ABCB8: variants seen among roughly 807,000 people sequenced by gnomAD.
ABCB8 encodes the protein ATP binding cassette subfamily B member 8, also known as mitochondrial potassium channel ATP-binding subunit.
ABCB8 carries 52 observed loss-of-function variants against 73.0 expected under a neutral mutation model. The ratio of observed to expected loss-of-function variants is 0.71; its 90% CI spans 0.57 to 0.90. The LOEUF is 0.90. Among genes scored for constraint, ABCB8 ranks in the 40% least tolerant of loss-of-function variants. The pLI is 0.00. For missense variants in ABCB8, 909 were observed against 974.6 expected (o/e 0.93, Z 0.90); for synonymous variants, 428 against 423.5 (o/e 1.01, Z -0.13).
At chr7:151,040,138 G>A (rs1032531186) in intron 9 of ABCB8, 130 bp from the exon 10 acceptor site, 5 of 1,057,536 alleles carry the variant, frequency 4.7e-6, no homozygotes, top group Non-Finnish European at 7.0e-6. Context: ...CCCCCATGGT[G>A]CAGGAGCAGT....
chr7:151,041,374 C>A, intron 13 of ABCB8, 142 bp downstream of exon 13: 1 of 1,201,906 alleles, frequency 8.3e-7, no homozygotes, highest in Non-Finnish European at 1.1e-6. Flanking sequence ...TTCACATGTC[C>A]TCAGCTGTTG....
chr7:151,037,259 C>T, intron 9 of ABCB8: 1 of 703,042 alleles, frequency 1.4e-6, no homozygotes, highest in Non-Finnish European at 2.6e-6. Context: ...GTGTTGCACC[C>T]TGTCCGAATT....
chr7:151,037,026 G>A (rs1333156365), intron 9 of ABCB8: 7 of 685,982 alleles, frequency 1.0e-5, no homozygotes, highest in African/African-American at 1.8e-5. Context: ...ACATTGCTGT[G>A]CGGCTGTTGT....
intron 1 of ABCB8, chr7:151,029,508 CTTT>C (rs71533518): frequency 3.4e-5 from 2 of 58,320 alleles, no homozygotes; most frequent in South Asian, 5.5e-4. Flanking sequence ...CTTTTCTTTT[CTTT>C]TTTTTTTTTT....
At chr7:151,033,420 C>T (rs903926476) in intron 1 of ABCB8, 185 bp from the exon 2 acceptor site, 1 of 1,398,168 alleles carries the variant, frequency 7.2e-7, no homozygotes, top group African/African-American at 1.4e-5. Context: ...TCCTCTGCGA[C>T]TTTGCCCATG....
intron 1 of ABCB8, chr7:151,029,482 TC>T (rs201783460): frequency 2.0e-5 from 2 of 101,920 alleles, no homozygotes; most frequent in East Asian, 2.6e-4. Context: ...CCTTTTTTTT[TC>T]TTTTCTTTTC....
chr7:151,028,727 G>A, intron 1 of ABCB8, 117 bp downstream of exon 1: 1 of 1,540,990 alleles, frequency 6.5e-7, no homozygotes, highest in Non-Finnish European at 8.7e-7. Flanking sequence ...CTGTAGGCCA[G>A]GCCTACCGGG....
intron 15 of ABCB8, 113 bp downstream of exon 15, chr7:151,044,334 G>A (rs1796558169): frequency 8.0e-6 from 12 of 1,493,788 alleles, no homozygotes; most frequent in Middle Eastern, 1.8e-4. Flanking sequence ...GGGCCTTGGG[G>A]GCTATATTCT....
rs1796065153 is a variant in ABCB8 at position 151,029,071 on chromosome 7, C to T, written c.95+461C>T. The T allele has an allele frequency of 6.9e-6, 7 of 1,009,280 alleles. No homozygotes were observed. The South Asian group carries it at 1.1e-4, about 15-fold the overall frequency. The allele number at this position is 1,009,280 out of a possible 1,614,324, so 62.5% of individuals were successfully genotyped here. On this transcript the variant is annotated intron_variant, in intron 1 of 15. Coordinates refer to ENST00000358849, the MANE Select transcript of ABCB8 (RefSeq NM_007188.5). ...GGGCGCGGTGGCTCGCTCCTGTAAT[C>T]CCAGCACTTTGGAAGGCCAGGAGTT...
At chr7:151,034,950 A>G in intron 5 of ABCB8, 121 bp downstream of exon 5, 2 of 830,284 alleles carry the variant, frequency 2.4e-6, no homozygotes, top group Non-Finnish European at 3.8e-6. Flanking sequence ...GACTCGAGAA[A>G]CCCACTGCCT....
intron 8 of ABCB8, 152 bp from the exon 9 acceptor site, chr7:151,036,392 G>A (rs1796309470): frequency 7.2e-6 from 6 of 838,890 alleles, no homozygotes; most frequent in Admixed American, 2.1e-5. Flanking sequence ...CCATGGAGGC[G>A]TGCCCACCCC....
At chr7:151,028,924 T>A in intron 1 of ABCB8, 1 of 1,385,580 alleles carries the variant, frequency 7.2e-7, no homozygotes, top group Non-Finnish European at 9.5e-7. Context: ...GATTGCGCGA[T>A]TTGGACGAAA....
intron 1 of ABCB8, among the ~76,000 whole-genome samples, chr7:151,030,253 C>T (rs879818189): frequency 2.4e-4 from 36 of 152,228 alleles, no homozygotes; most frequent in Non-Finnish European, 1.2e-4. Context: ...CGGTGGCTCA[C>T]GCCTGTAATC....
chr7:151,042,186 G>A (rs1261579870), intron 14 of ABCB8, 78 bp downstream of exon 14: 4 of 1,577,622 alleles, frequency 2.5e-6, no homozygotes, highest in Non-Finnish European at 2.6e-6. Flanking sequence ...GAGCAGCCCA[G>A]TGGGACTGAG....
chr7:151,033,537 C>T (rs1050392978), intron 1 of ABCB8, 68 bp from the exon 2 acceptor site: 8 of 1,510,944 alleles, frequency 5.3e-6, no homozygotes, highest in Non-Finnish European at 7.1e-6. Context: ...GCCAGAGCCC[C>T]ATGGGTGTGC....
At position 151,033,728 on chromosome 7, in the gene ABCB8, G is replaced by T; in HGVS notation, c.219G>T (p.Trp73Cys). 1 of 1,613,958 alleles carries T rather than the reference G, an allele frequency of 6.2e-7. No individual in the cohort carries two copies. The highest frequency in any genetic ancestry group is 8.5e-7 in the Non-Finnish European group (1 of 1,179,954). Residue 73 changes from tryptophan (W) to cysteine (C), a missense_variant, in exon 2 of 16, where the codon TGG becomes TGT. Transcript: ENST00000358849. ...APRWSPSAWC[W>C]VGGALLGPMV... Reference sequence around the variant, plus strand: ...GATGGAGCCCCTCTGCCTGGTGCTGGGTTGGGGGAGCCCTGCTAGGCCCCA... The same window carrying T: ...GATGGAGCCCCTCTGCCTGGTGCTGTGTTGGGGGAGCCCTGCTAGGCCCCA...
At position 151,040,644 on chromosome 7, in the gene ABCB8, G is replaced by A; in HGVS notation, c.1388+10G>A. 2 of 1,609,578 alleles carry A rather than the reference G, an allele frequency of 1.2e-6. No individual in the cohort carries two copies. The highest frequency in any genetic ancestry group is 1.1e-5 in the South Asian group (1 of 90,892). ...AGAACGTCTGCTTCAGGTCAGCACG[G>A]GTGAGCAGGCGTGGGGATGGGTCCC... On this transcript the variant is annotated intron_variant, in intron 11 of 15. Transcript: ENST00000358849.
chr7:151,044,421 T>C (rs1174568281), intron 15 of ABCB8, among the ~76,000 whole-genome samples, 200 bp downstream of exon 15: 2 of 152,174 alleles, frequency 1.3e-5, no homozygotes, highest in African/African-American at 4.8e-5. Flanking sequence ...CAGTTTCTTC[T>C]TCTGTCCCCT....
At chr7:151,039,619 A>G (rs1796402400) in intron 9 of ABCB8, 1 of 152,456 alleles carries the variant, frequency 6.6e-6, no homozygotes, top group Non-Finnish European at 1.5e-5. Flanking sequence ...ACTTATCTGC[A>G]GGGCAAGCTC....
Sources: allele counts gnomAD v4.1 joint callset (sites outside exome capture counted in the v4.1 genomes callset), GRCh38; gene constraint gnomAD v4.1.1; transcripts MANE v1.5; gene names NCBI Gene and HGNC (gene_info 2026-07-23, HGNC 2026-07-21).